The following ZNF592 variants were observed in gnomAD, a reference collection of about 807,000 sequenced individuals.
The protein encoded by ZNF592 is zinc finger protein 592, also known as spinocerebellar ataxia, autosomal recessive 5.
In ZNF592, 11 loss-of-function variants were observed where a neutral mutation model predicts 80.3. The ratio of observed to expected loss-of-function variants is 0.14; its 90% CI spans 0.09 to 0.23. The LOEUF (loss-of-function observed/expected upper bound fraction) is 0.23, where lower values mean the gene tolerates loss of function less well. Ranked by LOEUF, ZNF592 falls within the 10% of genes least tolerant of loss-of-function variation. The probability of loss-of-function intolerance (pLI) is 1.00; values close to 1 mark genes in which losing one functional copy is unlikely to be tolerated. For missense variants in ZNF592, 1,420 were observed against 1,633.9 expected (o/e 0.87, Z 2.26); for synonymous variants, 646 against 640.3 (o/e 1.01, Z -0.13).
chr15:84,761,502 A>G (rs963612913), intron 1 of ZNF592, among the ~76,000 whole-genome samples: 3 of 152,162 alleles, frequency 2.0e-5, no homozygotes, highest in Non-Finnish European at 2.9e-5. Context: ...AGTGCTTCCA[A>G]TGTGGTAGAG....
In ZNF592 at chr15:84,788,933, G is replaced by A. The variant is rs185444122; in HGVS notation, c.2221-1772G>A. ...GTCAGAATCTCCTTCTTTTTTGGCC[G>A]GGCATGGTGGCTCACACCTGTAAGC... On this transcript the variant is annotated intron_variant, in intron 4 of 10. Coordinates refer to ENST00000560079, the MANE Select transcript of ZNF592 (RefSeq NM_014630.3). Among the ~76,000 whole-genome samples, 44 of 151,672 alleles carry A rather than the reference G, an allele frequency of 2.9e-4. 1 individual carries two copies. Among genetic ancestry groups the A allele is most frequent in the Admixed American group, 1.9e-3 (29 of 15,256 alleles).
chr15:84,778,333 G>T, intron 3 of ZNF592, 21 bp downstream of exon 3: 1 of 224,156 alleles, frequency 4.5e-6, no homozygotes, highest in Non-Finnish European at 8.9e-6. Flanking sequence ...AGAGGCTGGA[G>T]GAGGCGGTGT....
intron 5 of ZNF592, among the ~76,000 whole-genome samples, chr15:84,796,453 G>T (rs914253397): frequency 6.6e-6 from 1 of 151,502 alleles, no homozygotes; most frequent in Non-Finnish European, 1.5e-5. Context: ...AGGAAGAGCA[G>T]AGAGGGAAAA....
rs1185194884 is a variant in ZNF592, at chr15:84,748,661, C to CCGA, written c.-261_-260insGAC. The CCGA allele has an allele frequency of 2.0e-5, 3 of 148,202 alleles. No individual in the cohort carries two copies. The highest frequency in any genetic ancestry group is 4.5e-5 in the Non-Finnish European group (3 of 66,318). The allele number at this position is 148,202 out of a possible 1,614,324, so 9.2% of individuals were successfully genotyped here. A position where few individuals can be genotyped will look rare whatever the true frequency, so the allele number is the denominator to read the frequency against. On this transcript the variant is annotated 5_prime_UTR_variant, in exon 1 of 11. Coordinates refer to ENST00000560079, the MANE Select transcript of ZNF592 (RefSeq NM_014630.3). ...TGGCCTGCAGTCGCCGCCGCCGCCG[C>CCGA]CAGGTAAGCGCCCCCCGCGGGCCGG...
At chr15:84,764,075 C>A (rs1398668266) in intron 1 of ZNF592, among the ~76,000 whole-genome samples, 2 of 152,232 alleles carry the variant, frequency 1.3e-5, no homozygotes, top group Non-Finnish European at 2.9e-5. Flanking sequence ...CTGCCCCCGC[C>A]ATGATTTCTG....
Position 84,801,139 on chromosome 15 carries a change from T to C in ZNF592, c.3274-724T>C, listed in dbSNP as rs1216659224. 2.0e-5 allele frequency among the ~76,000 whole-genome samples: 3 copies of C among 152,172 alleles called. No individual in the cohort carries two copies. In the East Asian group the frequency reaches 5.8e-4, roughly 29 times the overall value. On this transcript the variant is annotated intron_variant, in intron 10 of 10. Coordinates refer to ENST00000560079, the MANE Select transcript of ZNF592 (RefSeq NM_014630.3). ...AGTTTGAGACCAGCCTAGGCAACAT[T>C]GGGAGACTCTGTCTCTACAATAAAT...
Position 84,799,643 on chromosome 15 carries a change from G to A in ZNF592, c.3138-199G>A, listed in dbSNP as rs1184117677. Among the ~76,000 whole-genome samples, 1 of 152,208 alleles carries A rather than the reference G, an allele frequency of 6.6e-6. No homozygotes were observed. Among genetic ancestry groups the A allele is most frequent in the African/African-American group, 2.4e-5 (1 of 41,452 alleles). ...TCAGTGAGATTGTGGCTGAGTGCCA[G>A]GTGTCAAGAGTGCAAGTATTCTGAC... On this transcript the variant is annotated intron_variant, in intron 9 of 10. Coordinates refer to ENST00000560079, the MANE Select transcript of ZNF592 (RefSeq NM_014630.3). The surrounding 1 kb of genome is among the most constrained non-coding windows in gnomAD (Gnocchi z 4.2).
chr15:84,785,031 A>C, intron 4 of ZNF592, 136 bp downstream of exon 4: 1 of 1,079,424 alleles, frequency 9.3e-7, no homozygotes, highest in Non-Finnish European at 1.4e-6. Flanking sequence ...TGTCTGCCTG[A>C]ATATTTAGTG....
At chr15:84,768,954 T>G (rs1473579723) in intron 2 of ZNF592, among the ~76,000 whole-genome samples, 1 of 152,248 alleles carries the variant, frequency 6.6e-6, no homozygotes, top group African/African-American at 2.4e-5. Flanking sequence ...CTTTTATTTT[T>G]TTTTGAGACA....
intron 2 of ZNF592, among the ~76,000 whole-genome samples, chr15:84,768,571 C>T (rs1899604223): frequency 6.6e-6 from 1 of 152,032 alleles, no homozygotes; most frequent in Non-Finnish European, 1.5e-5. Context: ...CTCATTCCCA[C>T]CCTGTACCTA....
At chr15:84,781,625 G>A (rs1321340220) in intron 3 of ZNF592, among the ~76,000 whole-genome samples, 2 of 152,174 alleles carry the variant, frequency 1.3e-5, no homozygotes, top group African/African-American at 2.4e-5. Flanking sequence ...ATCCAGAAAG[G>A]TTTTCAACAT....
intron 5 of ZNF592, among the ~76,000 whole-genome samples, chr15:84,792,215 A>G (rs1053822400): frequency 6.6e-6 from 1 of 152,004 alleles, no homozygotes; most frequent in African/African-American, 2.4e-5. Flanking sequence ...AGATTTGACA[A>G]TAGCTTTTAT....
intron 4 of ZNF592, among the ~76,000 whole-genome samples, chr15:84,789,918 G>T (rs1035919063): frequency 2.0e-5 from 3 of 152,158 alleles, no homozygotes; most frequent in Non-Finnish European, 4.4e-5. Flanking sequence ...TTCCCTCTGG[G>T]CTGGCTGCTT....
intron 1 of ZNF592, among the ~76,000 whole-genome samples, chr15:84,758,566 G>C (rs1899250479): frequency 6.6e-6 from 1 of 152,132 alleles, no homozygotes; most frequent in Non-Finnish European, 1.5e-5. Context: ...TTACAGGTGA[G>C]AGCCATGGCG....
In ZNF592 at chr15:84,784,217, T is replaced by G; in HGVS notation, c.1542T>G (p.Ser514Arg). The change falls in exon 4 of 11, where the codon AGT becomes AGG. Residue 514 changes from serine to arginine, a missense_variant. Coordinates refer to ENST00000560079, the MANE Select transcript of ZNF592 (RefSeq NM_014630.3). The surrounding 1 kb of genome is among the most constrained non-coding windows in gnomAD (Gnocchi z 5.8). ...CCAACCTGAACCTCGTCCCCCACAG[T>G]GTTGCTGCATCAGTGACAGCCAAGT... The part of the protein sequence containing the change: ...HLANLNLVPH[S>R]VAASVTAKSS... 1 of 1,614,226 alleles carries G rather than the reference T, an allele frequency of 6.2e-7. No homozygotes were observed. The highest frequency in any genetic ancestry group is 8.5e-7 in the Non-Finnish European group (1 of 1,180,044).
At chr15:84,754,029 C>T (rs1360842514) in intron 1 of ZNF592, among the ~76,000 whole-genome samples, 1 of 152,252 alleles carries the variant, frequency 6.6e-6, no homozygotes, top group East Asian at 1.9e-4. Flanking sequence ...TTCAGCCAAC[C>T]ATTTGCTTTT....
intron 1 of ZNF592, among the ~76,000 whole-genome samples, chr15:84,753,828 T>C (rs779623122): frequency 9.9e-5 from 15 of 152,194 alleles, no homozygotes; most frequent in Admixed American, 2.6e-4. Context: ...AATAGGAACA[T>C]CCTGAATAGG....
intron 2 of ZNF592, among the ~76,000 whole-genome samples, chr15:84,765,703 T>A (rs1293976058): frequency 6.6e-6 from 1 of 151,730 alleles, no homozygotes; most frequent in Admixed American, 6.6e-5. Context: ...CATGCCCAGC[T>A]AAATTTTATA....
intron 1 of ZNF592, among the ~76,000 whole-genome samples, chr15:84,758,503 T>G (rs1899248656): frequency 6.6e-6 from 1 of 152,096 alleles, no homozygotes; most frequent in Non-Finnish European, 1.5e-5. Flanking sequence ...CAGGCTGGTC[T>G]TGAACTCCTG....
Sources: allele counts gnomAD v4.1 joint callset (sites outside exome capture counted in the v4.1 genomes callset), GRCh38; gene constraint gnomAD v4.1.1; non-coding constraint Gnocchi (gnomAD v3.1); transcripts MANE v1.5; gene names NCBI Gene and HGNC (gene_info 2026-07-23, HGNC 2026-07-21).